Variants in THADA observed in about 807,000 individuals in gnomAD.
THADA encodes tRNA (32-2'-O)-methyltransferase regulator THADA.
Under a neutral mutation model 219.8 loss-of-function variants are expected in THADA, and 213 were observed. That is an observed-to-expected ratio of 0.97 (90% CI 0.87 to 1.09). The LOEUF is 1.09. THADA is among the 50% of genes least tolerant of loss of function. The pLI, the probability that THADA is intolerant of heterozygous loss-of-function variation, is 0.00. For missense variants in THADA, 2,956 were observed against 2,311.3 expected (o/e 1.28, Z -5.72); for synonymous variants, 1,018 against 828.9 (o/e 1.23, Z -3.92).
rs147038199 is a variant in THADA at position 43,466,411 on chromosome 2, C to A, written c.3836+18823G>T. 3.0e-3 allele frequency among the ~76,000 whole-genome samples: 458 copies of A among 152,290 alleles called. 3 individuals carry two copies. The highest frequency in any genetic ancestry group is 0.011 in the African/African-American group (445 of 41,560). ...CTTCAAGCTCAGGCCCTGACTCTTA[C>A]AGGAAGTTTTGCCTAACAGTCCCTA... is the stretch of plus-strand genomic sequence containing the variant. On this transcript the variant is annotated intron_variant, in intron 26 of 37. Transcript: ENST00000405975.
intron 22 of THADA, among the ~76,000 whole-genome samples, chr2:43,521,228 A>T (rs1314497562): frequency 6.6e-6 from 1 of 151,560 alleles, no homozygotes; most frequent in Non-Finnish European, 1.5e-5. Flanking sequence ...GGGCAGGCAG[A>T]CAAGAAGGCA....
In THADA at chr2:43,556,342, A is replaced by C; in HGVS notation, c.2674+3T>G. ...TTTGATAAGAGCAAACATCAATACA[A>C]ACCCATTAATGTGTTCCTTTCCACC... is the stretch of plus-strand genomic sequence containing the variant. On this transcript the variant is annotated splice_donor_region_variant and intron_variant, in intron 17 of 37. Transcript: ENST00000405975. 2 of 1,613,628 alleles carry C rather than the reference A, an allele frequency of 1.2e-6. No homozygotes were observed. The highest frequency in any genetic ancestry group is 1.7e-6 in the Non-Finnish European group (2 of 1,179,746).
intron 1 of THADA, among the ~76,000 whole-genome samples, chr2:43,593,635 T>G (rs1414429376): frequency 6.0e-5 from 9 of 149,642 alleles, no homozygotes; most frequent in Non-Finnish European, 1.0e-4. Context: ...ACAGACTTTT[T>G]TTTTTTTTTT....
rs1224616025 is a variant in THADA, at chr2:43,292,922, T to C, written c.4730A>G (p.Glu1577Gly). The change falls in exon 32 of 38, where the codon GAG (glutamate) becomes GGG (glycine). Residue 1577 changes from glutamate to glycine, a missense_variant. Coordinates refer to ENST00000405975, the MANE Select transcript of THADA (RefSeq NM_022065.5). ...KFLAAASGLG[E>G]KGVPPLLCNM... Reference sequence around the variant, plus strand: ...GCACAGCAAGGGTGGCACGCCCTTCTCTCCAAGTCCAGAGGCTGCTGCTAA... The same window carrying C: ...GCACAGCAAGGGTGGCACGCCCTTCCCTCCAAGTCCAGAGGCTGCTGCTAA... 1 of 1,613,926 alleles carries C rather than the reference T, an allele frequency of 6.2e-7. No individual in the cohort carries two copies. The highest frequency in any genetic ancestry group is 8.5e-7 in the Non-Finnish European group (1 of 1,179,904).
intron 26 of THADA, among the ~76,000 whole-genome samples, chr2:43,483,249 G>A (rs528748568): frequency 1.8e-4 from 27 of 152,174 alleles, no homozygotes; most frequent in African/African-American, 5.8e-4. Context: ...TGCCCATTAC[G>A]TACCCAGAAC....
rs143026669 is a variant in THADA, at chr2:43,462,165, T to C, written c.3836+23069A>G. ...TAAGGAACCAAATAACATTTTAAGATACTAGATTTTGAAAATGTTAGAGCA... is the reference window on the plus strand; with the variant it reads ...TAAGGAACCAAATAACATTTTAAGACACTAGATTTTGAAAATGTTAGAGCA... On this transcript the variant is annotated intron_variant, in intron 26 of 37. Coordinates refer to ENST00000405975, the MANE Select transcript of THADA (RefSeq NM_022065.5). Among the ~76,000 whole-genome samples, 765 of 152,258 alleles carry C rather than the reference T, an allele frequency of 5.0e-3. 4 individuals carry two copies. The highest frequency in any genetic ancestry group is 0.018 in the African/African-American group (731 of 41,548).
chr2:43,323,285 G>A (rs999971688), intron 30 of THADA, among the ~76,000 whole-genome samples: 1 of 152,110 alleles, frequency 6.6e-6, no homozygotes, highest in Non-Finnish European at 1.5e-5. Flanking sequence ...GGGACTACAG[G>A]TGCATGCCAC....
chr2:43,541,217 T>G lies in THADA; in HGVS notation c.3206A>C (p.Gln1069Pro). Residue 1069 changes from glutamine to proline, a missense_variant, in exon 21 of 38, where the codon CAG becomes CCG. Coordinates refer to ENST00000405975, the MANE Select transcript of THADA (RefSeq NM_022065.5). ...TGGCACAGGCTGCATGGGCAGAAGC[T>G]GGCACAACATGCCTAAAAGTAAAGC... ...EVALLLGMLC[Q>P]LLPMQPVPES... 3 of 1,611,140 alleles carry G rather than the reference T, an allele frequency of 1.9e-6. No individual in the cohort carries two copies. The highest frequency in any genetic ancestry group is 2.5e-6 in the Non-Finnish European group (3 of 1,178,890).
At chr2:43,527,835 T>A in intron 22 of THADA, 44 bp downstream of exon 22, 9 of 1,349,554 alleles carry the variant, frequency 6.7e-6, no homozygotes, top group Non-Finnish European at 9.5e-6. Context: ...ATGCTTTGTA[T>A]ATTTAGTCTT....
At chr2:43,364,924 T>A (rs1669952951) in intron 29 of THADA, among the ~76,000 whole-genome samples, 1 of 151,896 alleles carries the variant, frequency 6.6e-6, no homozygotes, top group East Asian at 1.9e-4. Flanking sequence ...AACTGACTAA[T>A]GGGTTTTAAG....
chr2:43,351,467 C>A lies in THADA; in HGVS notation c.4228-7230G>T, dbSNP rs561643770. On this transcript the variant is annotated intron_variant, in intron 29 of 37. Transcript: ENST00000405975. ...AAGGCCCAGCTTAAACGTCACCTTC[C>A]CCATAAAACTCTCCCCAGCTTTCCT... 8.5e-4 allele frequency among the ~76,000 whole-genome samples: 129 copies of A among 151,962 alleles called. 1 individual carries two copies. Among genetic ancestry groups the A allele is most frequent in the African/African-American group, 3.0e-3 (126 of 41,474 alleles).
At chr2:43,313,098 C>A (rs1046388258) in intron 31 of THADA, among the ~76,000 whole-genome samples, 3 of 152,170 alleles carry the variant, frequency 2.0e-5, no homozygotes, top group Admixed American at 2.0e-4. Flanking sequence ...CCTATTTATT[C>A]ATGTCACATA....
intron 9 of THADA, among the ~76,000 whole-genome samples, chr2:43,578,227 T>C (rs1344356527): frequency 6.6e-6 from 1 of 151,836 alleles, no homozygotes; most frequent in Non-Finnish European, 1.5e-5. Flanking sequence ...ACTGCAGCCT[T>C]AAACTCCTAG....
intron 22 of THADA, among the ~76,000 whole-genome samples, chr2:43,512,176 C>T (rs1468839614): frequency 6.6e-6 from 1 of 152,222 alleles, no homozygotes; most frequent in East Asian, 1.9e-4. Context: ...ACCCAGGAAC[C>T]TCATGAGCTC....
chr2:43,395,290 T>A (rs1221254842), intron 29 of THADA, among the ~76,000 whole-genome samples: 1 of 152,232 alleles, frequency 6.6e-6, no homozygotes, highest in Non-Finnish European at 1.5e-5. Context: ...ATATTCCTCA[T>A]CATTCCAGCC....
chr2:43,476,290 T>G (rs889965206), intron 26 of THADA, among the ~76,000 whole-genome samples: 1 of 152,148 alleles, frequency 6.6e-6, no homozygotes, highest in Admixed American at 6.5e-5. Flanking sequence ...CTGGGTATTG[T>G]GCCTAGACAC....
At chr2:43,407,173 A>G (rs1249128129) in intron 28 of THADA, among the ~76,000 whole-genome samples, 1 of 152,180 alleles carries the variant, frequency 6.6e-6, no homozygotes, top group Non-Finnish European at 1.5e-5. Context: ...AACTCACACC[A>G]TTATCCTTTA....
chr2:43,234,767 C>T (rs1667833986), intron 36 of THADA, among the ~76,000 whole-genome samples: 1 of 152,038 alleles, frequency 6.6e-6, no homozygotes, highest in Non-Finnish European at 1.5e-5. Context: ...AATTCTCCTG[C>T]CTTAGCCCCC....
chr2:43,236,484 G>T (rs143929356), intron 36 of THADA, among the ~76,000 whole-genome samples: 261 of 152,248 alleles, frequency 1.7e-3, no homozygotes, highest in African/African-American at 6.1e-3. Flanking sequence ...AAGCATGCAG[G>T]CCAGCTAGGC....
Sources: gnomAD v4.1 joint callset for allele counts (sites outside exome capture counted in the v4.1 genomes callset) on GRCh38, gnomAD v4.1.1 for gene constraint, MANE v1.5 for transcripts, NCBI Gene and HGNC (gene_info 2026-07-23, HGNC 2026-07-21) for gene names.